Variants in SUV39H2 observed in about 807,000 individuals in gnomAD.
SUV39H2 encodes histone-lysine N-methyltransferase SUV39H2.
In SUV39H2, 10 loss-of-function variants were observed where a neutral mutation model predicts 47.5. The observed-to-expected ratio is 0.21, with a 90% CI of 0.13 to 0.36. SUV39H2 has a LOEUF of 0.36. Among genes scored for constraint, SUV39H2 ranks in the 10% least tolerant of loss-of-function variants. SUV39H2 has a pLI of 1.00. For synonymous variants in SUV39H2, 159 were observed against 166.8 expected (o/e 0.95, Z 0.36); for missense variants, 266 against 487.4 (o/e 0.55, Z 4.28).
intron 3 of SUV39H2, chr10:14,899,096 G>C (rs1411181501): frequency 3.2e-6 from 2 of 624,432 alleles, no homozygotes; most frequent in Admixed American, 2.5e-5. Context: ...AAGGCTGGAG[G>C]CTCACTTGAG....
At chr10:14,889,016 T>C (rs1833302828) in intron 2 of SUV39H2, among the ~76,000 whole-genome samples, 1 of 151,644 alleles carries the variant, frequency 6.6e-6, no homozygotes, top group African/African-American at 2.4e-5. Flanking sequence ...GGCAGGAGAA[T>C]AGCTTGAATC....
chr10:14,883,704 CAAAA>C (rs58522342), intron 2 of SUV39H2, among the ~76,000 whole-genome samples: 35 of 50,052 alleles, frequency 7.0e-4, no homozygotes, highest in Middle Eastern at 0.014. Context: ...GACTCAGTCT[CAAAA>C]AAAAAAAAAA....
chr10:14,893,939 G>T (rs1224434305), intron 2 of SUV39H2, among the ~76,000 whole-genome samples: 1 of 151,698 alleles, frequency 6.6e-6, no homozygotes, highest in Non-Finnish European at 1.5e-5. Context: ...TTGTTTGCTG[G>T]AACACTTGGC....
chr10:14,902,827 T>C lies in SUV39H2; in HGVS notation c.*315T>C, dbSNP rs906480092. 4 of 166,828 alleles carry C rather than the reference T, an allele frequency of 2.4e-5. No individual in the cohort carries two copies. In the Admixed American group the frequency reaches 2.4e-4, roughly 10 times the overall value. 10.3% of individuals were successfully genotyped at this position (166,828 alleles called of 1,614,324 possible). A position where few individuals can be genotyped will look rare whatever the true frequency, so the allele number is the denominator to read the frequency against. On this transcript the variant is annotated 3_prime_UTR_variant, in exon 6 of 6. Transcript: ENST00000354919. Reference sequence around the variant, plus strand: ...TGCCTCCCGTAGTGTTTGAAAGCGTTAAGCTGATAATGTAATTAACAACTG... The same window carrying C: ...TGCCTCCCGTAGTGTTTGAAAGCGTCAAGCTGATAATGTAATTAACAACTG...
Position 14,881,672 on chromosome 10 carries a change from A to G in SUV39H2, c.177+27A>G, listed in dbSNP as rs767636473. The G allele has an allele frequency of 4.4e-5, 64 of 1,469,164 alleles. No individual in the cohort carries two copies. In the African/African-American group the frequency reaches 7.2e-4, roughly 17 times the overall value. The allele number at this position is 1,469,164 out of a possible 1,614,324, so 91.0% of individuals were successfully genotyped here. On this transcript the variant is annotated intron_variant, in intron 2 of 5. Transcript: ENST00000354919. ...TAAGGCAAATATCTAGCCCCTTACA[A>G]GAGACCTAATCAGACTTCAGTATTT...
chr10:14,882,567 A>G (rs756236493), intron 2 of SUV39H2, among the ~76,000 whole-genome samples: 1 of 152,206 alleles, frequency 6.6e-6, no homozygotes, highest in African/African-American at 2.4e-5. Context: ...ACAATCATGC[A>G]TATCAGCCCC....
chr10:14,897,442 C>T lies in SUV39H2; in HGVS notation c.774C>T (p.Ser258=). 6 of 1,612,174 alleles carry T rather than the reference C, an allele frequency of 3.7e-6. No individual in the cohort carries two copies. Among genetic ancestry groups the T allele is most frequent in the Non-Finnish European group, 4.2e-6 (5 of 1,178,722 alleles). The change falls in exon 3 of 6, where the codon AGC becomes AGT. Residue 258 remains serine (S), a synonymous_variant. Transcript: ENST00000354919. ...TQYSLCIFRT[S]NGRGWGVKTL... is the part of the protein sequence containing the mutation. ...ATTCGCTTTGCATCTTTCGAACTAG[C>T]AATGGACGTGGCTGGGGTGTAAAGA...
rs1277172069 is a variant in SUV39H2, at chr10:14,904,145, A to G, written c.*1633A>G. 1.3e-5 allele frequency: 2 copies of G among 151,922 alleles called. No individual in the cohort carries two copies. The highest frequency in any genetic ancestry group is 2.9e-5 in the Non-Finnish European group (2 of 68,014). 9.4% of individuals were successfully genotyped at this position (151,922 alleles called of 1,614,324 possible). On this transcript the variant is annotated 3_prime_UTR_variant, in exon 6 of 6. Coordinates refer to ENST00000354919, the MANE Select transcript of SUV39H2 (RefSeq NM_001193424.2). ...CATGGTGAAACCCTGTCTCTACTGA[A>G]AATACAAAAATTAGCCGGGCGTGGT... is the stretch of plus-strand genomic sequence containing the variant.
In SUV39H2 at chr10:14,878,927, T is replaced by A; in HGVS notation, c.31+8T>A. The A allele has an allele frequency of 6.8e-7, 1 of 1,469,728 alleles. No homozygotes were observed. The highest frequency in any genetic ancestry group is 9.0e-7 in the Non-Finnish European group (1 of 1,108,158). The allele number at this position is 1,469,728 out of a possible 1,614,324, so 91.0% of individuals were successfully genotyped here. A position where few individuals can be genotyped will look rare whatever the true frequency, so the allele number is the denominator to read the frequency against. ...GGGCCGAGGCGCGAGGAGGTGAGGC[T>A]GGAGCGCGGCCCCCTCGCCTTCCCT... On this transcript the variant is annotated splice_region_variant and intron_variant, in intron 1 of 5. Coordinates refer to ENST00000354919, the MANE Select transcript of SUV39H2 (RefSeq NM_001193424.2).
intron 3 of SUV39H2, chr10:14,898,715 T>G (rs1833779576): frequency 6.6e-6 from 1 of 152,488 alleles, no homozygotes; most frequent in Admixed American, 6.5e-5. Context: ...ATAAAACTTG[T>G]GTTCTTAAGA....
rs761997215 is a variant in SUV39H2 at position 14,878,950 on chromosome 10, C to G, written c.31+31C>G. 5 of 1,441,774 alleles carry G rather than the reference C, an allele frequency of 3.5e-6. No homozygotes were observed. The African/African-American group carries it at 5.9e-5, about 17-fold the overall frequency. The allele number at this position is 1,441,774 out of a possible 1,614,324, so 89.3% of individuals were successfully genotyped here. ...GCTGGAGCGCGGCCCCCTCGCCTTC[C>G]CTGTTCCCAGGCAAGCTCCCAAGGC... On this transcript the variant is annotated intron_variant, in intron 1 of 5. Coordinates refer to ENST00000354919, the MANE Select transcript of SUV39H2 (RefSeq NM_001193424.2).
chr10:14,881,381 A>G (rs1833036699), intron 1 of SUV39H2, 119 bp from the exon 2 acceptor site: 2 of 829,544 alleles, frequency 2.4e-6, no homozygotes, highest in Admixed American at 8.6e-5. Flanking sequence ...TTCTTGTCAT[A>G]GGAATTTTTA....
intron 4 of SUV39H2, among the ~76,000 whole-genome samples, chr10:14,900,201 T>C (rs1488007347): frequency 6.6e-6 from 1 of 152,262 alleles, no homozygotes; most frequent in African/African-American, 2.4e-5. Flanking sequence ...TTTTAATGTC[T>C]GAAAGCTCTT....
intron 2 of SUV39H2, among the ~76,000 whole-genome samples, chr10:14,886,053 T>C (rs1161025506): frequency 6.6e-6 from 1 of 152,238 alleles, no homozygotes; most frequent in East Asian, 1.9e-4. Context: ...TATCCTATTT[T>C]CTGAAATTGA....
rs974245615 is a variant in SUV39H2 at position 14,902,611 on chromosome 10, C to T, written c.*99C>T. On this transcript the variant is annotated 3_prime_UTR_variant, in exon 6 of 6. Coordinates refer to ENST00000354919, the MANE Select transcript of SUV39H2 (RefSeq NM_001193424.2). ...GGGACTCTTATTATCAAGGTTCTAC[C>T]TATGTTAATTTACAATTCATGTTTC... 4 of 733,392 alleles carry T rather than the reference C, an allele frequency of 5.5e-6. No individual in the cohort carries two copies. The highest frequency in any genetic ancestry group is 3.5e-5 in the Admixed American group (1 of 28,454). 45.4% of individuals were successfully genotyped at this position (733,392 alleles called of 1,614,324 possible). A position where few individuals can be genotyped will look rare whatever the true frequency, so the allele number is the denominator to read the frequency against.
intron 2 of SUV39H2, among the ~76,000 whole-genome samples, chr10:14,884,563 T>C (rs1220519075): frequency 1.3e-5 from 2 of 152,220 alleles, no homozygotes; most frequent in African/African-American, 4.8e-5. Flanking sequence ...AAATCCCTTA[T>C]TAGTATGTGA....
chr10:14,892,647 T>G (rs980705753), intron 2 of SUV39H2, among the ~76,000 whole-genome samples: 3 of 152,188 alleles, frequency 2.0e-5, no homozygotes, highest in South Asian at 4.1e-4. Context: ...ATGCCTTAGG[T>G]TGCTACTTAT....
chr10:14,895,466 G>T (rs568815199), intron 2 of SUV39H2, among the ~76,000 whole-genome samples: 1 of 152,090 alleles, frequency 6.6e-6, no homozygotes, highest in Admixed American at 6.5e-5. Flanking sequence ...GTGACCCACC[G>T]CACCCAGCCG....
intron 2 of SUV39H2, among the ~76,000 whole-genome samples, chr10:14,890,042 G>A (rs1393160979): frequency 6.6e-6 from 1 of 152,088 alleles, no homozygotes; most frequent in Non-Finnish European, 1.5e-5. Flanking sequence ...AAGTATACAG[G>A]TACTTTTGTG....
Sources: allele counts gnomAD v4.1 joint callset (sites outside exome capture counted in the v4.1 genomes callset), GRCh38; gene constraint gnomAD v4.1.1; transcripts MANE v1.5; gene names NCBI Gene and HGNC (gene_info 2026-07-23, HGNC 2026-07-21).